Variants in GALNT13 observed in about 807,000 individuals in gnomAD.
The protein encoded by GALNT13 is UDP-GalNAc:polypeptide N-acetylgalactosaminyltransferase 13.
Under a neutral mutation model 64.2 loss-of-function variants are expected in GALNT13, and 28 were observed. That is an observed-to-expected ratio of 0.44 (90% confidence interval 0.32 to 0.60). The LOEUF (loss-of-function observed/expected upper bound fraction) is 0.60, where lower values mean the gene tolerates loss of function less well. GALNT13 is among the 20% of genes least tolerant of loss of function. The pLI is 0.05. For synonymous variants in GALNT13, 214 were observed against 224.6 expected (o/e 0.95, Z 0.42); for missense variants, 577 against 669.8 (o/e 0.86, Z 1.53).
chr2:154,265,510 C>T (rs1690942665), intron 8 of GALNT13, among the ~76,000 whole-genome samples: 2 of 151,926 alleles, frequency 1.3e-5, no homozygotes, highest in African/African-American at 4.8e-5. Flanking sequence ...AACAGCCTAG[C>T]CAACATGATG....
chr2:154,398,183 T>C (rs1699142775), intron 10 of GALNT13, among the ~76,000 whole-genome samples: 1 of 152,226 alleles, frequency 6.6e-6, no homozygotes, highest in African/African-American at 2.4e-5. Context: ...CTGTTCTTCT[T>C]ATAAAATGTT....
chr2:153,626,647 A>G, the GALNT13 span, among the ~76,000 whole-genome samples: 2 of 152,132 alleles, frequency 1.3e-5, no homozygotes, highest in African/African-American at 2.4e-5. Context: ...ATAGTTTAGC[A>G]TCATCATTGT....
upstream of GALNT13, among the ~76,000 whole-genome samples, chr2:153,870,130 T>C (rs1685831157): frequency 6.6e-6 from 1 of 151,726 alleles, no homozygotes; most frequent in Non-Finnish European, 1.5e-5. Context: ...CCACAGAGCT[T>C]TGAGAAATTA....
the GALNT13 span, among the ~76,000 whole-genome samples, chr2:153,843,065 A>G: frequency 6.1e-5 from 1 of 16,288 alleles, no homozygotes; most frequent in African/African-American, 1.1e-4. Flanking sequence ...ATAGGGGATT[A>G]AAAAAAAAGA....
At chr2:154,332,769 A>G (rs1388123508) in intron 9 of GALNT13, among the ~76,000 whole-genome samples, 3 of 152,108 alleles carry the variant, frequency 2.0e-5, no homozygotes, top group Non-Finnish European at 4.4e-5. Flanking sequence ...ATGATATTTA[A>G]CTCAATCCTA....
chr2:153,608,692 T>TC, the GALNT13 span, among the ~76,000 whole-genome samples: 2 of 147,722 alleles, frequency 1.4e-5, no homozygotes, highest in South Asian at 4.2e-4. Flanking sequence ...CATATATTTA[T>TC]AAAATATATT....
At chr2:154,037,280 C>T (rs1698714678) in intron 3 of GALNT13, among the ~76,000 whole-genome samples, 1 of 151,976 alleles carries the variant, frequency 6.6e-6, no homozygotes, top group Admixed American at 6.6e-5. Flanking sequence ...GCTGGGTTCT[C>T]CTATAAGACT....
chr2:153,535,181 T>TATAGAATG, the GALNT13 span, among the ~76,000 whole-genome samples: 1 of 152,026 alleles, frequency 6.6e-6, no homozygotes, highest in South Asian at 2.1e-4. Context: ...ACATTTGCCG[T>TATAGAATG]ATAGAATGAT....
At chr2:153,232,493 C>A in the GALNT13 span, among the ~76,000 whole-genome samples, 1 of 152,126 alleles carries the variant, frequency 6.6e-6, no homozygotes, top group African/African-American at 2.4e-5. Flanking sequence ...CAGTGAAAGT[C>A]CAGTTATAAT....
At chr2:153,862,037 C>A in the GALNT13 span, among the ~76,000 whole-genome samples, 3 of 152,084 alleles carry the variant, frequency 2.0e-5, no homozygotes, top group African/African-American at 7.2e-5. Context: ...GATAATATAA[C>A]AACATATGTG....
chr2:153,082,608 TATATATATATACACAC>T, the GALNT13 span, among the ~76,000 whole-genome samples: 33 of 44,912 alleles, frequency 7.3e-4, no homozygotes, highest in Non-Finnish European at 9.5e-4. Context: ...TATATATATA[TATATATATATACACAC>T]ACACACACAC....
the GALNT13 span, among the ~76,000 whole-genome samples, chr2:153,311,559 T>A: frequency 6.6e-6 from 1 of 152,156 alleles, no homozygotes; most frequent in African/African-American, 2.4e-5. Context: ...GTTGGCTGAG[T>A]TGCAGCTGTC....
chr2:153,371,164 G>T, the GALNT13 span: 2 of 152,092 alleles, frequency 1.3e-5, no homozygotes, highest in Non-Finnish European at 2.9e-5. Context: ...TCAACTTCTA[G>T]AAAACTAGGA....
At chr2:153,832,900 C>T in the GALNT13 span, among the ~76,000 whole-genome samples, 9 of 152,252 alleles carry the variant, frequency 5.9e-5, no homozygotes, top group East Asian at 1.7e-3. Flanking sequence ...TGGATATGTC[C>T]CAACAAGGCT....
intron 11 of GALNT13, among the ~76,000 whole-genome samples, chr2:154,418,636 TG>T (rs1228207006): frequency 6.6e-6 from 1 of 152,080 alleles, no homozygotes; most frequent in Non-Finnish European, 1.5e-5. Flanking sequence ...AAACTGATTT[TG>T]GACTTCTGGC....
the GALNT13 span, among the ~76,000 whole-genome samples, chr2:153,302,396 G>C: frequency 1.3e-5 from 2 of 151,840 alleles, no homozygotes; most frequent in African/African-American, 4.8e-5. Context: ...TTTTAAATCA[G>C]GGTTTTGTTT....
the GALNT13 span, among the ~76,000 whole-genome samples, chr2:153,131,364 T>G: frequency 2.0e-4 from 30 of 151,364 alleles, no homozygotes; most frequent in Non-Finnish European, 4.4e-5. Flanking sequence ...AGCATTTGGA[T>G]TATGAGTAAA....
At chr2:154,020,066 A>G (rs1401570185) in intron 3 of GALNT13, among the ~76,000 whole-genome samples, 2 of 152,262 alleles carry the variant, frequency 1.3e-5, no homozygotes, top group East Asian at 1.9e-4. Flanking sequence ...ATTCCATGGT[A>G]TATATGTGCC....
At chr2:153,556,285 A>G in the GALNT13 span, among the ~76,000 whole-genome samples, 1 of 152,174 alleles carries the variant, frequency 6.6e-6, no homozygotes, top group South Asian at 2.1e-4. Context: ...TGCAGTTTAA[A>G]TTAAGAGAAA....
Sources: gnomAD v4.1 joint callset for allele counts (sites outside exome capture counted in the v4.1 genomes callset) on GRCh38, gnomAD v4.1.1 for gene constraint, MANE v1.5 for transcripts, NCBI Gene and HGNC (gene_info 2026-07-23, HGNC 2026-07-21) for gene names.